The following GABBR2 variants were observed in gnomAD, a reference collection of about 807,000 sequenced individuals.
GABBR2 encodes the protein G-protein coupled receptor 51.
Under a neutral mutation model 105.6 loss-of-function variants are expected in GABBR2, and 23 were observed. The observed-to-expected ratio is 0.22, with a 90% CI of 0.16 to 0.31. The LOEUF (loss-of-function observed/expected upper bound fraction) is 0.31, where lower values mean the gene tolerates loss of function less well. Ranked by LOEUF, GABBR2 falls within the 10% of genes least tolerant of loss-of-function variation. The pLI, the probability that GABBR2 is intolerant of heterozygous loss-of-function variation, is 1.00. For missense variants in GABBR2, 734 were observed against 1,245.5 expected, an observed-to-expected ratio of 0.59 and a Z score of 6.18; for synonymous variants, 478 against 499.7, an observed-to-expected ratio of 0.96 and a Z score of 0.58.
intron 8 of GABBR2, among the ~76,000 whole-genome samples, chr9:98,395,217 G>C (rs1832265136): frequency 6.6e-6 from 1 of 152,212 alleles, no homozygotes; most frequent in African/African-American, 2.4e-5. Context: ...GGGAGATGAA[G>C]AAGAGGGGGA....
At chr9:98,554,241 G>T (rs1828542564) in intron 2 of GABBR2, among the ~76,000 whole-genome samples, 1 of 152,062 alleles carries the variant, frequency 6.6e-6, no homozygotes. Flanking sequence ...GGTGCCTGTA[G>T]TCCCAGCTAC....
intron 1 of GABBR2, among the ~76,000 whole-genome samples, chr9:98,588,217 A>G (rs1351490015): frequency 6.6e-6 from 1 of 152,224 alleles, no homozygotes; most frequent in African/African-American, 2.4e-5. Flanking sequence ...TTGCTAAATC[A>G]TGTTCAAAAT....
intron 7 of GABBR2, among the ~76,000 whole-genome samples, chr9:98,427,235 T>C (rs868679815): frequency 6.6e-5 from 10 of 152,122 alleles, no homozygotes; most frequent in Admixed American, 4.6e-4. Context: ...CTGGGGAAGA[T>C]GAATCAATGA....
At chr9:98,621,212 C>T (rs1360956756) in intron 1 of GABBR2, among the ~76,000 whole-genome samples, 1 of 152,080 alleles carries the variant, frequency 6.6e-6, no homozygotes, top group African/African-American at 2.4e-5. Flanking sequence ...AGAGGGGACT[C>T]AAGGCTCAGA....
At chr9:98,485,190 C>T (rs1284229611) in intron 4 of GABBR2, among the ~76,000 whole-genome samples, 1 of 152,096 alleles carries the variant, frequency 6.6e-6, no homozygotes, top group Non-Finnish European at 1.5e-5. Context: ...ATGGCCAGGT[C>T]TAGGGTTGGA....
Position 98,684,099 on chromosome 9 carries a change from C to G in GABBR2, c.321+24318G>C, listed in dbSNP as rs949032686. 2.2e-5 allele frequency among the ~76,000 whole-genome samples: 3 copies of G among 137,126 alleles called. 1 individual carries two copies. In the Admixed American group the frequency reaches 2.4e-4, roughly 11 times the overall value. 90.0% of individuals were successfully genotyped at this position (137,126 alleles called of 152,430 possible). The stretch of plus-strand genomic sequence containing the variant: ...GCCACTTAAAAATATGAAGTAGAGA[C>G]TCTGGCAGAGCCAGAAAGCTCTTCA... On this transcript the variant is annotated intron_variant, in intron 1 of 18. Coordinates refer to ENST00000259455, the MANE Select transcript of GABBR2 (RefSeq NM_005458.8).
At chr9:98,565,168 C>T (rs2131766502) in intron 2 of GABBR2, among the ~76,000 whole-genome samples, 1 of 152,314 alleles carries the variant, frequency 6.6e-6, no homozygotes, top group African/African-American at 2.4e-5. Context: ...CTCTGGGCCT[C>T]ACTTCCTGCA....
At chr9:98,424,550 T>G (rs1832840205) in intron 7 of GABBR2, among the ~76,000 whole-genome samples, 1 of 152,036 alleles carries the variant, frequency 6.6e-6, no homozygotes, top group African/African-American at 2.4e-5. Flanking sequence ...TTGCCCCTGT[T>G]TGCAGACGAC....
chr9:98,322,235 G>A (rs1830835878), intron 13 of GABBR2, among the ~76,000 whole-genome samples: 1 of 152,038 alleles, frequency 6.6e-6, no homozygotes, highest in Non-Finnish European at 1.5e-5. Context: ...TAAACCTGCT[G>A]TTCCTCTGGG....
At chr9:98,417,785 T>C (rs1832714423) in intron 7 of GABBR2, among the ~76,000 whole-genome samples, 1 of 152,052 alleles carries the variant, frequency 6.6e-6, no homozygotes. Flanking sequence ...AGAGAGTGGG[T>C]ACAGAGGGCT....
At chr9:98,397,198 C>T (rs1481113245) in intron 8 of GABBR2, among the ~76,000 whole-genome samples, 1 of 152,192 alleles carries the variant, frequency 6.6e-6, no homozygotes, top group African/African-American at 2.4e-5. Context: ...CATGGTATTT[C>T]ATGATAAAGC....
chr9:98,578,126 G>C (rs976446029), intron 1 of GABBR2, 54 bp from the exon 2 acceptor site: 1 of 1,596,388 alleles, frequency 6.3e-7, no homozygotes, highest in African/African-American at 1.3e-5. Context: ...CTTTTCCCCA[G>C]GGGCATGAGC....
chr9:98,614,396 C>T lies in GABBR2; in HGVS notation c.322-36324G>A, dbSNP rs554123163. Among the ~76,000 whole-genome samples the T allele has an allele frequency of 2.2e-4, 34 of 152,130 alleles. No individual in the cohort carries two copies. The South Asian group carries it at 3.3e-3, about 15-fold the overall frequency. ...AAAATTAGCTGGGCATTGTGGTGCA[C>T]GCCTGTAAATCCCAGCTACTTGGGA... On this transcript the variant is annotated intron_variant, in intron 1 of 18. Coordinates refer to ENST00000259455, the MANE Select transcript of GABBR2 (RefSeq NM_005458.8).
intron 2 of GABBR2, among the ~76,000 whole-genome samples, chr9:98,567,500 A>G (rs1319295236): frequency 1.3e-5 from 2 of 152,132 alleles, no homozygotes; most frequent in African/African-American, 4.8e-5. Context: ...AATCATCTTC[A>G]TGGTCGGTGA....
rs576426168 is a variant in GABBR2 at position 98,643,523 on chromosome 9, C to T, written c.321+64894G>A. 3.9e-5 allele frequency among the ~76,000 whole-genome samples: 6 copies of T among 152,272 alleles called. 1 individual carries two copies. In the South Asian group the frequency reaches 1.0e-3, roughly 26 times the overall value. On this transcript the variant is annotated intron_variant, in intron 1 of 18. Transcript: ENST00000259455. Reference sequence around the variant, plus strand: ...TATTCTGCCTTTATTTTAGTTGGAGCCCGTTCTTTTCTTTCTATGTCTGTT... The same window carrying T: ...TATTCTGCCTTTATTTTAGTTGGAGTCCGTTCTTTTCTTTCTATGTCTGTT...
intron 1 of GABBR2, among the ~76,000 whole-genome samples, chr9:98,621,461 A>G (rs1829669376): frequency 6.6e-6 from 1 of 152,192 alleles, no homozygotes; most frequent in Non-Finnish European, 1.5e-5. Context: ...CCTACCACAG[A>G]TGGAATATGA....
chr9:98,621,201 G>C (rs1829666092), intron 1 of GABBR2, among the ~76,000 whole-genome samples: 1 of 152,166 alleles, frequency 6.6e-6, no homozygotes, highest in Admixed American at 6.5e-5. Context: ...CCCCACCTTA[G>C]AGAGGGGACT....
intron 7 of GABBR2, among the ~76,000 whole-genome samples, chr9:98,410,693 C>T (rs1436649501): frequency 2.6e-5 from 4 of 151,698 alleles, no homozygotes; most frequent in Non-Finnish European, 5.9e-5. Context: ...GCAGGAGCCT[C>T]GGAGGCCTGT....
chr9:98,434,985 C>A (rs1825875909), intron 7 of GABBR2, among the ~76,000 whole-genome samples: 1 of 151,464 alleles, frequency 6.6e-6, no homozygotes, highest in African/African-American at 2.4e-5. Flanking sequence ...CATGTGTAGA[C>A]CTAGGCTGGA....
Sources: gnomAD v4.1 joint callset for allele counts (sites outside exome capture counted in the v4.1 genomes callset) on GRCh38, gnomAD v4.1.1 for gene constraint, MANE v1.5 for transcripts, NCBI Gene and HGNC (gene_info 2026-07-23, HGNC 2026-07-21) for gene names.